Variants in AKAP19 observed in about 807,000 individuals in gnomAD.
AKAP19 encodes small A-kinase anchoring protein.
chr2:190,124,196 A>G, the AKAP19 span, among the ~76,000 whole-genome samples: 2 of 152,232 alleles, frequency 1.3e-5, no homozygotes, highest in Non-Finnish European at 2.9e-5. Flanking sequence ...AATTCCCCTG[A>G]TAAGTCCCCT....
chr2:190,074,144 A>G, the AKAP19 span, among the ~76,000 whole-genome samples: 1 of 152,136 alleles, frequency 6.6e-6, no homozygotes, highest in African/African-American at 2.4e-5. Flanking sequence ...AACCCCAAAT[A>G]AACCAAACCA....
the AKAP19 span, among the ~76,000 whole-genome samples, chr2:190,020,471 G>A: frequency 6.6e-6 from 1 of 152,164 alleles, no homozygotes; most frequent in East Asian, 1.9e-4. Flanking sequence ...TCAGGGTCCA[G>A]GTTTATTTTT....
chr2:190,175,484 A>G, the AKAP19 span, among the ~76,000 whole-genome samples: 1 of 152,206 alleles, frequency 6.6e-6, no homozygotes, highest in Non-Finnish European at 1.5e-5. Context: ...TCTGCATTAA[A>G]CTCTTATTTG....
chr2:190,046,869 A>G, the AKAP19 span, among the ~76,000 whole-genome samples: 2 of 152,180 alleles, frequency 1.3e-5, no homozygotes, highest in Non-Finnish European at 2.9e-5. Flanking sequence ...TTTATAAGTT[A>G]TAGTTAATAT....
At chr2:190,056,965 A>G in the AKAP19 span, 1 of 341,828 alleles carries the variant, frequency 2.9e-6, no homozygotes, top group African/African-American at 2.1e-5. Context: ...CTCAAGGAGA[A>G]TCGCTTTCAT....
chr2:190,034,831 G>A, the AKAP19 span, among the ~76,000 whole-genome samples: 4 of 130,904 alleles, frequency 3.1e-5, no homozygotes, highest in South Asian at 9.8e-4. Context: ...TCCAGCCTGG[G>A]CAACAAAGCA....
the AKAP19 span, among the ~76,000 whole-genome samples, chr2:189,938,806 T>A: frequency 2.0e-5 from 3 of 152,150 alleles, no homozygotes. Flanking sequence ...CATGCCTGTA[T>A]CAAAACATCT....
the AKAP19 span, among the ~76,000 whole-genome samples, chr2:189,880,012 T>C: frequency 0.29 from 44,820 of 152,048 alleles, 11,349 homozygotes; most frequent in African/African-American, 0.69. Flanking sequence ...ATTTAACTTA[T>C]CGAAAAATGT....
chr2:190,029,785 T>C, the AKAP19 span, among the ~76,000 whole-genome samples: 1 of 152,152 alleles, frequency 6.6e-6, no homozygotes, highest in African/African-American at 2.4e-5. Flanking sequence ...GCCCCTAGGA[T>C]ATATGTAAAA....
the AKAP19 span, among the ~76,000 whole-genome samples, chr2:190,141,475 C>T: frequency 2.6e-5 from 4 of 152,146 alleles, no homozygotes; most frequent in Non-Finnish European, 4.4e-5. Flanking sequence ...AGGAAACTTA[C>T]AGTCATGGTG....
the AKAP19 span, among the ~76,000 whole-genome samples, chr2:190,043,600 T>C: frequency 6.6e-6 from 1 of 152,322 alleles, no homozygotes; most frequent in Non-Finnish European, 1.5e-5. Flanking sequence ...ATTGCTTCAT[T>C]GTGATTCATA....
At chr2:190,175,269 G>A in the AKAP19 span, among the ~76,000 whole-genome samples, 1 of 152,136 alleles carries the variant, frequency 6.6e-6, no homozygotes, top group East Asian at 1.9e-4. Context: ...AGGAAGATGA[G>A]GCTTGTTTAC....
At chr2:190,163,420 C>T in the AKAP19 span, among the ~76,000 whole-genome samples, 3 of 147,126 alleles carry the variant, frequency 2.0e-5, no homozygotes, top group Non-Finnish European at 3.0e-5. Flanking sequence ...GGAGACACAG[C>T]GAGACTCCGT....
At chr2:189,923,381 T>TCC in the AKAP19 span, 1 of 1,612,704 alleles carries the variant, frequency 6.2e-7, no homozygotes, top group Non-Finnish European at 8.5e-7. Context: ...TTCCATGAAC[T>TCC]CCCGTGTATT....
At chr2:190,128,107 A>G in the AKAP19 span, among the ~76,000 whole-genome samples, 2 of 152,214 alleles carry the variant, frequency 1.3e-5, no homozygotes, top group African/African-American at 2.4e-5. Context: ...TATTTTAAGA[A>G]AAGAAACTGA....
At chr2:190,062,511 T>G in the AKAP19 span, 3 of 1,613,558 alleles carry the variant, frequency 1.9e-6, no homozygotes, top group South Asian at 3.3e-5. Flanking sequence ...ATTTTCTTTT[T>G]GCTCACTGTT....
At chr2:190,175,207 A>T in the AKAP19 span, among the ~76,000 whole-genome samples, 1 of 152,336 alleles carries the variant, frequency 6.6e-6, no homozygotes, top group South Asian at 2.1e-4. Context: ...TGCTTTAAAG[A>T]CTTCAAAATG....
At chr2:190,100,259 A>G in the AKAP19 span, among the ~76,000 whole-genome samples, 1 of 152,146 alleles carries the variant, frequency 6.6e-6, no homozygotes, top group Non-Finnish European at 1.5e-5. Flanking sequence ...ATAAAAAAAA[A>G]CCAGTATGTG....
At chr2:189,988,066 G>T in the AKAP19 span, among the ~76,000 whole-genome samples, 1 of 152,094 alleles carries the variant, frequency 6.6e-6, no homozygotes, top group Non-Finnish European at 1.5e-5. Context: ...GAAATCTTAG[G>T]GAGTCAAAGC....
Sources: gnomAD v4.1 joint callset for allele counts (sites outside exome capture counted in the v4.1 genomes callset) on GRCh38, gnomAD v4.1.1 for gene constraint, MANE v1.5 for transcripts, NCBI Gene and HGNC (gene_info 2026-07-23, HGNC 2026-07-21) for gene names.